The following PLXNA2 variants were observed in gnomAD, a reference collection of about 807,000 sequenced individuals.
PLXNA2 encodes the protein plexin A2.
PLXNA2 carries 91 observed loss-of-function variants against 193.5 expected under a neutral mutation model. That is an observed-to-expected ratio of 0.47 (90% confidence interval 0.40 to 0.56). PLXNA2 has a LOEUF of 0.56. Among genes scored for constraint, PLXNA2 ranks in the 20% least tolerant of loss-of-function variants. The probability of loss-of-function intolerance (pLI) is 0.00; values close to 1 mark genes in which losing one functional copy is unlikely to be tolerated. For synonymous variants in PLXNA2, 997 were observed against 1,027.3 expected (o/e 0.97, Z 0.56); for missense variants, 1,995 against 2,503.2 (o/e 0.80, Z 4.33).
chr1:208,115,866 AAC>A (rs1395209764), intron 4 of PLXNA2, among the ~76,000 whole-genome samples: 2 of 152,236 alleles, frequency 1.3e-5, no homozygotes, highest in African/African-American at 2.4e-5. Flanking sequence ...AATAATACAA[AAC>A]ACAGTTTCTT....
Position 208,024,754 on chromosome 1 carries a change from A to T in PLXNA2, c.*2489T>A, listed in dbSNP as rs1372336080. 3 of 152,140 alleles carry T rather than the reference A, an allele frequency of 2.0e-5. No individual in the cohort carries two copies. The highest frequency in any genetic ancestry group is 7.2e-5 in the African/African-American group (3 of 41,422). The allele number at this position is 152,140 out of a possible 1,614,324, so 9.4% of individuals were successfully genotyped here. A position where few individuals can be genotyped will look rare whatever the true frequency, so the allele number is the denominator to read the frequency against. On this transcript the variant is annotated 3_prime_UTR_variant, in exon 32 of 32. Transcript: ENST00000367033. Reference sequence around the variant, plus strand: ...AAGGGCTGGTAGAGATGCTACTGAGATGTCCGACTGCCTTTAACTTCTTGG... The same window carrying T: ...AAGGGCTGGTAGAGATGCTACTGAGTTGTCCGACTGCCTTTAACTTCTTGG...
intron 1 of PLXNA2, among the ~76,000 whole-genome samples, chr1:208,219,956 C>A (rs183267541): frequency 6.6e-6 from 1 of 152,180 alleles, no homozygotes; most frequent in African/African-American, 2.4e-5. Context: ...GGTAGCAGGA[C>A]GTGAATTCCT....
intron 10 of PLXNA2, among the ~76,000 whole-genome samples, chr1:208,083,097 T>G (rs1366418003): frequency 6.6e-6 from 1 of 152,210 alleles, no homozygotes; most frequent in Non-Finnish European, 1.5e-5. Flanking sequence ...AGCAGTCACC[T>G]GGCCAACCCC....
At chr1:208,039,050 G>T in intron 24 of PLXNA2, 66 bp from the exon 25 acceptor site, 1 of 1,475,706 alleles carries the variant, frequency 6.8e-7, no homozygotes, top group Non-Finnish European at 9.3e-7. Flanking sequence ...GAGAGGGTCA[G>T]GACCTCAGAA....
intron 4 of PLXNA2, among the ~76,000 whole-genome samples, chr1:208,140,891 G>T (rs956065438): frequency 1.3e-5 from 2 of 152,168 alleles, no homozygotes; most frequent in Non-Finnish European, 2.9e-5. Context: ...CATTCATTTT[G>T]ATGATTCCCA....
chr1:208,113,969 C>T (rs936931581), intron 4 of PLXNA2, among the ~76,000 whole-genome samples: 3 of 152,090 alleles, frequency 2.0e-5, no homozygotes, highest in African/African-American at 4.8e-5. Flanking sequence ...TCAGACAGCT[C>T]GGGTAAGAGC....
chr1:208,076,952 A>G (rs912765669), intron 12 of PLXNA2, among the ~76,000 whole-genome samples: 2 of 152,222 alleles, frequency 1.3e-5, no homozygotes, highest in African/African-American at 4.8e-5. Flanking sequence ...GTACCTTTTT[A>G]TAAGTCTAAA....
intron 16 of PLXNA2, 67 bp from the exon 17 acceptor site, chr1:208,051,169 T>C: frequency 6.3e-7 from 1 of 1,594,248 alleles, no homozygotes; most frequent in East Asian, 2.2e-5. Context: ...AACCTCCACC[T>C]TAGGGATCCC....
intron 3 of PLXNA2, among the ~76,000 whole-genome samples, chr1:208,152,117 G>C (rs951258883): frequency 1.1e-4 from 17 of 152,064 alleles, no homozygotes; most frequent in Admixed American, 8.5e-4. Context: ...TTATAATCTG[G>C]AACAGTAATC....
intron 3 of PLXNA2, among the ~76,000 whole-genome samples, chr1:208,165,951 CCTGCTACAGCTGAGGG>C (rs1233534285): frequency 6.6e-6 from 1 of 152,206 alleles, no homozygotes; most frequent in East Asian, 1.9e-4. Flanking sequence ...GGTTTGACTT[CCTGCTACAGCTGAGGG>C]CTCTTTCTTC....
At chr1:208,222,032 T>C (rs1165510296) in intron 1 of PLXNA2, among the ~76,000 whole-genome samples, 1 of 152,194 alleles carries the variant, frequency 6.6e-6, no homozygotes, top group Admixed American at 6.5e-5. Flanking sequence ...ATCTTAAGTG[T>C]TTAAGATACA....
intron 3 of PLXNA2, among the ~76,000 whole-genome samples, chr1:208,174,228 T>A (rs187218719): frequency 3.4e-4 from 52 of 151,930 alleles, no homozygotes; most frequent in Middle Eastern, 3.4e-3. Context: ...GGGCTTTGAG[T>A]ATGGAAAAGA....
intron 1 of PLXNA2, among the ~76,000 whole-genome samples, chr1:208,235,823 C>T (rs905172676): frequency 6.6e-6 from 1 of 152,118 alleles, no homozygotes; most frequent in South Asian, 2.1e-4. Flanking sequence ...GTCTGTGGGC[C>T]AAGAAAGCTG....
At chr1:208,072,298 T>C (rs1178053668) in intron 12 of PLXNA2, among the ~76,000 whole-genome samples, 2 of 152,180 alleles carry the variant, frequency 1.3e-5, no homozygotes, top group Non-Finnish European at 2.9e-5. Flanking sequence ...GCTGTTAAAC[T>C]AACACCCCCA....
chr1:208,131,139 G>C (rs755746338), intron 4 of PLXNA2, among the ~76,000 whole-genome samples: 2 of 152,104 alleles, frequency 1.3e-5, no homozygotes, highest in African/African-American at 4.8e-5. Context: ...CACATACAGA[G>C]GGACCTTGCC....
chr1:208,146,875 C>T (rs1668618628), intron 3 of PLXNA2, among the ~76,000 whole-genome samples: 1 of 152,136 alleles, frequency 6.6e-6, no homozygotes, highest in Middle Eastern at 3.2e-3. Context: ...TATTTGGGAT[C>T]TTCTTCTTCT....
chr1:208,033,783 A>G (rs1664583708), intron 27 of PLXNA2, among the ~76,000 whole-genome samples: 1 of 152,096 alleles, frequency 6.6e-6, no homozygotes, highest in Non-Finnish European at 1.5e-5. Context: ...CTACTCTGAC[A>G]CTCCCAGCAA....
chr1:208,210,002 TTTG>T, intron 3 of PLXNA2: 6 of 182,042 alleles, frequency 3.3e-5, no homozygotes, highest in South Asian at 1.4e-4. Flanking sequence ...TTTTTTTTTT[TTTG>T]CTTTTGCAGA....
At chr1:208,034,374 C>A (rs1664605330) in intron 27 of PLXNA2, 119 bp downstream of exon 27, 3 of 672,128 alleles carry the variant, frequency 4.5e-6, no homozygotes, top group South Asian at 3.4e-5. Flanking sequence ...CTGGCAGGAG[C>A]CTGTGATTGG....
Sources: gnomAD v4.1 joint callset for allele counts (sites outside exome capture counted in the v4.1 genomes callset) on GRCh38, gnomAD v4.1.1 for gene constraint, MANE v1.5 for transcripts, NCBI Gene and HGNC (gene_info 2026-07-23, HGNC 2026-07-21) for gene names.